ADAMTS6: variants seen among roughly 807,000 people sequenced by gnomAD.
ADAMTS6 encodes A disintegrin and metalloproteinase with thrombospondin motifs 6.
Under a neutral mutation model 144.3 loss-of-function variants are expected in ADAMTS6, and 23 were observed. That is an observed-to-expected ratio of 0.16 (90% CI 0.11 to 0.23). The LOEUF is 0.23. Ranked by LOEUF, ADAMTS6 falls within the 10% of genes least tolerant of loss-of-function variation. The pLI is 1.00. For missense variants in ADAMTS6, 999 were observed against 1,379.6 expected (o/e 0.72, Z 4.37); for synonymous variants, 444 against 457.5 (o/e 0.97, Z 0.38).
At chr5:65,356,105 T>TA (rs1333569207) in intron 7 of ADAMTS6, among the ~76,000 whole-genome samples, 12 of 151,934 alleles carry the variant, frequency 7.9e-5, no homozygotes, top group African/African-American at 2.9e-4. Context: ...GACATATTGT[T>TA]AGACTACATT....
intron 7 of ADAMTS6, among the ~76,000 whole-genome samples, chr5:65,450,420 T>C (rs1305985744): frequency 6.6e-6 from 1 of 152,276 alleles, no homozygotes; most frequent in East Asian, 1.9e-4. Context: ...ATACTTTGTA[T>C]TCCCTCCCTA....
chr5:65,385,224 T>C (rs1252564590), intron 7 of ADAMTS6, among the ~76,000 whole-genome samples: 1 of 152,240 alleles, frequency 6.6e-6, no homozygotes, highest in Non-Finnish European at 1.5e-5. Context: ...TTAGCAAATA[T>C]GTATTTGTTT....
At chr5:65,300,615 A>T (rs952004672) in intron 9 of ADAMTS6, among the ~76,000 whole-genome samples, 1 of 151,792 alleles carries the variant, frequency 6.6e-6, no homozygotes, top group East Asian at 1.9e-4. Context: ...GGCCAAATAC[A>T]TAAGTCCTTT....
At chr5:65,287,383 T>A (rs1741782423) in intron 11 of ADAMTS6, among the ~76,000 whole-genome samples, 1 of 152,188 alleles carries the variant, frequency 6.6e-6, no homozygotes, top group South Asian at 2.1e-4. Flanking sequence ...GCTACCTGTG[T>A]TTCATTAACA....
intron 20 of ADAMTS6, among the ~76,000 whole-genome samples, chr5:65,203,065 A>T (rs1214607903): frequency 2.0e-5 from 3 of 152,168 alleles, no homozygotes; most frequent in African/African-American, 7.2e-5. Context: ...TCTAGAAAAC[A>T]GGCATGTTTC....
At position 65,473,586 on chromosome 5, in the gene ADAMTS6, T is replaced by G; in HGVS notation, c.88A>C (p.Ser30Arg). ...AAAGCAAGAATCCTACCTTGAGAAC[T>G]GTATGAAAGCCTGTGGTCACTATGA... ...EFHSDHRLSYSSQEEFLTYLE... is the reference protein window; with the variant it reads ...EFHSDHRLSYRSQEEFLTYLE... Residue 30 changes from serine to arginine, a missense_variant, in exon 2 of 25, where the codon AGT becomes CGT. Physicochemically the swap from Ser to Arg is moderately radical, Grantham distance 110. Coordinates refer to ENST00000381055, the MANE Select transcript of ADAMTS6 (RefSeq NM_197941.4). The G allele has an allele frequency of 2.5e-6, 4 of 1,613,176 alleles. No individual in the cohort carries two copies. The highest frequency in any genetic ancestry group is 3.4e-6 in the Non-Finnish European group (4 of 1,179,282).
chr5:65,475,240 G>A (rs1484906092), intron 1 of ADAMTS6, among the ~76,000 whole-genome samples: 4 of 152,082 alleles, frequency 2.6e-5, no homozygotes, highest in South Asian at 4.1e-4. Context: ...CATTCCCTAC[G>A]GTGATAGAAA....
At chr5:65,444,081 T>G (rs570437513) in intron 7 of ADAMTS6, among the ~76,000 whole-genome samples, 3 of 152,172 alleles carry the variant, frequency 2.0e-5, no homozygotes, top group Non-Finnish European at 4.4e-5. Flanking sequence ...TCTTTATATA[T>G]GGAATCTATT....
chr5:65,397,966 T>G (rs1028666362), intron 7 of ADAMTS6, among the ~76,000 whole-genome samples: 3 of 152,106 alleles, frequency 2.0e-5, no homozygotes, highest in South Asian at 2.1e-4. Flanking sequence ...ATTTCTAGAT[T>G]AATTCCATGT....
intron 1 of ADAMTS6, 105 bp from the exon 2 acceptor site, chr5:65,474,057 A>G (rs1760665571): frequency 2.7e-6 from 1 of 375,756 alleles, no homozygotes; most frequent in Non-Finnish European, 4.7e-6. Flanking sequence ...ACAAAATAAT[A>G]TAGTTAAATT....
intron 7 of ADAMTS6, among the ~76,000 whole-genome samples, chr5:65,361,390 T>C (rs1318826495): frequency 6.6e-6 from 1 of 152,186 alleles, no homozygotes; most frequent in East Asian, 1.9e-4. Context: ...TTTAAATATA[T>C]ACATAAATCT....
At chr5:65,393,950 T>C (rs147890928) in intron 7 of ADAMTS6, among the ~76,000 whole-genome samples, 1 of 152,288 alleles carries the variant, frequency 6.6e-6, no homozygotes, top group Non-Finnish European at 1.5e-5. Flanking sequence ...AATCATTCCA[T>C]ACAGTGGCCC....
chr5:65,335,382 ACCAGT>A (rs776446110), intron 7 of ADAMTS6, among the ~76,000 whole-genome samples: 2 of 152,158 alleles, frequency 1.3e-5, no homozygotes, highest in African/African-American at 2.4e-5. Flanking sequence ...TAGAGAGGGT[ACCAGT>A]GTACTCATCG....
At chr5:65,375,967 T>C (rs1467486938) in intron 7 of ADAMTS6, among the ~76,000 whole-genome samples, 1 of 152,136 alleles carries the variant, frequency 6.6e-6, no homozygotes, top group African/African-American at 2.4e-5. Flanking sequence ...TGTAGGGACA[T>C]GGATGAAATT....
intron 21 of ADAMTS6, among the ~76,000 whole-genome samples, chr5:65,194,616 G>T (rs1755220728): frequency 6.6e-6 from 1 of 151,996 alleles, no homozygotes; most frequent in Non-Finnish European, 1.5e-5. Flanking sequence ...CTTTTCCATA[G>T]TCTGAATTCA....
In ADAMTS6 at chr5:65,149,010, G is replaced by A. The variant is rs1751994052; in HGVS notation, c.*2826C>T. 1 of 152,644 alleles carries A rather than the reference G, an allele frequency of 6.6e-6. No homozygotes were observed. Among genetic ancestry groups the A allele is most frequent in the Non-Finnish European group, 1.5e-5 (1 of 68,040 alleles). The allele number at this position is 152,644 out of a possible 1,614,324, so 9.5% of individuals were successfully genotyped here. A position where few individuals can be genotyped will look rare whatever the true frequency, so the allele number is the denominator to read the frequency against. ...AATAATACAAAGGTAATTTCGTTCT[G>A]TGTTACTGAGGATACCTATGTGACA... is the stretch of plus-strand genomic sequence containing the variant. On this transcript the variant is annotated 3_prime_UTR_variant, in exon 25 of 25. Coordinates refer to ENST00000381055, the MANE Select transcript of ADAMTS6 (RefSeq NM_197941.4).
At chr5:65,402,701 C>CA (rs35110384) in intron 7 of ADAMTS6, among the ~76,000 whole-genome samples, 2 of 151,004 alleles carry the variant, frequency 1.3e-5, no homozygotes, top group Non-Finnish European at 1.5e-5. Context: ...CACCCCCCCC[C>CA]ATATTTGGCG....
chr5:65,435,724 C>T (rs570887592), intron 7 of ADAMTS6, among the ~76,000 whole-genome samples: 3 of 151,716 alleles, frequency 2.0e-5, no homozygotes, highest in Admixed American at 6.6e-5. Context: ...CTCCTGGGTT[C>T]GAGCGATTCT....
At chr5:65,212,207 C>T (rs1756578599) in intron 20 of ADAMTS6, among the ~76,000 whole-genome samples, 1 of 152,182 alleles carries the variant, frequency 6.6e-6, no homozygotes, top group Admixed American at 6.5e-5. Context: ...TTAAGAACCA[C>T]TTACCGAAAC....
Sources: gnomAD v4.1 joint callset for allele counts (sites outside exome capture counted in the v4.1 genomes callset) on GRCh38, gnomAD v4.1.1 for gene constraint, MANE v1.5 for transcripts, NCBI Gene and HGNC (gene_info 2026-07-23, HGNC 2026-07-21) for gene names.